LRRFIP2: variants seen among roughly 807,000 people sequenced by gnomAD.
LRRFIP2 encodes the protein leucine-rich repeat flightless-interacting protein 2.
In LRRFIP2, 109 loss-of-function variants were observed where a neutral mutation model predicts 125.9. The ratio of observed to expected loss-of-function variants is 0.87; its 90% CI spans 0.74 to 1.01. The LOEUF is 1.01. Among genes scored for constraint, LRRFIP2 ranks in the 50% least tolerant of loss-of-function variants. LRRFIP2 has a pLI of 0.00. For missense variants in LRRFIP2, 850 were observed against 862.3 expected (o/e 0.99, Z 0.18); for synonymous variants, 291 against 293.1 (o/e 0.99, Z 0.07).
chr3:37,109,801 C>T, intron 9 of LRRFIP2, 98 bp from the exon 10 acceptor site: 5 of 995,368 alleles, frequency 5.0e-6, no homozygotes, highest in South Asian at 1.5e-5. Flanking sequence ...TGATTTTATA[C>T]TCCATAATTC....
At chr3:37,166,386 GCA>G (rs1304064013) in intron 1 of LRRFIP2, among the ~76,000 whole-genome samples, 1 of 151,638 alleles carries the variant, frequency 6.6e-6, no homozygotes, top group Non-Finnish European at 1.5e-5. Context: ...GTACATCAAA[GCA>G]CACTATCAAA....
intron 21 of LRRFIP2, among the ~76,000 whole-genome samples, chr3:37,069,758 C>T (rs1377625405): frequency 1.3e-5 from 2 of 152,140 alleles, no homozygotes; most frequent in African/African-American, 2.4e-5. Flanking sequence ...AAAGAGTCAA[C>T]TCGTGATTCA....
intron 2 of LRRFIP2, among the ~76,000 whole-genome samples, chr3:37,148,198 A>T (rs935221422): frequency 6.6e-6 from 1 of 152,236 alleles, no homozygotes; most frequent in African/African-American, 2.4e-5. Flanking sequence ...TATAACAAGT[A>T]CATGGAACTC....
At chr3:37,105,144 A>T (rs905081634) in intron 14 of LRRFIP2, among the ~76,000 whole-genome samples, 17 of 152,242 alleles carry the variant, frequency 1.1e-4, no homozygotes, top group Admixed American at 1.1e-3. Flanking sequence ...TGCTGAAGAA[A>T]TTTGTCTTTG....
At chr3:37,097,478 AT>A (rs1465975542) in intron 15 of LRRFIP2, among the ~76,000 whole-genome samples, 2 of 152,154 alleles carry the variant, frequency 1.3e-5, no homozygotes, top group African/African-American at 4.8e-5. Flanking sequence ...TGTAAGCTCT[AT>A]ATCAGTATGT....
intron 14 of LRRFIP2, among the ~76,000 whole-genome samples, chr3:37,105,170 A>G (rs987059350): frequency 4.6e-5 from 7 of 152,224 alleles, no homozygotes; most frequent in Non-Finnish European, 2.9e-5. Flanking sequence ...CTGCACACAC[A>G]TGTATGTGCA....
intron 2 of LRRFIP2, among the ~76,000 whole-genome samples, chr3:37,133,969 T>A (rs1343505957): frequency 1.3e-5 from 2 of 151,884 alleles, no homozygotes; most frequent in Admixed American, 1.3e-4. Flanking sequence ...TTCAGAAAAA[T>A]TCAGGAGTTC....
intron 6 of LRRFIP2, among the ~76,000 whole-genome samples, chr3:37,119,981 GA>G (rs1446999910): frequency 6.7e-6 from 1 of 150,306 alleles, no homozygotes; most frequent in African/African-American, 2.4e-5. Context: ...TATTTAAAGA[GA>G]AAAAAACAAA....
chr3:37,059,060 C>G (rs1293272342), intron 24 of LRRFIP2, 150 bp from the exon 25 acceptor site: 46 of 900,604 alleles, frequency 5.1e-5, no homozygotes, highest in Non-Finnish European at 7.3e-5. Context: ...TAATAGGAGA[C>G]ACACATCGTC....
chr3:37,056,332 G>A (rs1304000019), intron 25 of LRRFIP2, among the ~76,000 whole-genome samples: 1 of 152,130 alleles, frequency 6.6e-6, no homozygotes, highest in African/African-American at 2.4e-5. Flanking sequence ...AATAAGATTT[G>A]CAAAAGATAA....
intron 1 of LRRFIP2, among the ~76,000 whole-genome samples, chr3:37,173,570 T>C (rs2096615387): frequency 6.6e-6 from 1 of 152,228 alleles, no homozygotes; most frequent in Non-Finnish European, 1.5e-5. Context: ...AGAAAGCAAC[T>C]ACCTAAAAGG....
chr3:37,096,145 A>G (rs1262120761), intron 16 of LRRFIP2, among the ~76,000 whole-genome samples: 4 of 152,250 alleles, frequency 2.6e-5, no homozygotes, highest in Non-Finnish European at 5.9e-5. Context: ...TGGGTATAGC[A>G]TAAAATTAAT....
chr3:37,138,463 G>C (rs749941420), intron 2 of LRRFIP2, among the ~76,000 whole-genome samples: 1 of 152,154 alleles, frequency 6.6e-6, no homozygotes, highest in Admixed American at 6.6e-5. Flanking sequence ...TCTGAGAGGA[G>C]GAAAAGGGTA....
chr3:37,077,518 T>C (rs925724674), intron 19 of LRRFIP2, among the ~76,000 whole-genome samples: 1 of 152,170 alleles, frequency 6.6e-6, no homozygotes, highest in Non-Finnish European at 1.5e-5. Context: ...TCTTTTTAGA[T>C]TAAAAATGGC....
At chr3:37,113,484 TAG>T (rs1361644627) in intron 7 of LRRFIP2, among the ~76,000 whole-genome samples, 2 of 152,060 alleles carry the variant, frequency 1.3e-5, no homozygotes, top group African/African-American at 2.4e-5. Flanking sequence ...GGGGAACAGG[TAG>T]AGACAATGTC....
At chr3:37,119,831 T>C (rs531219459) in intron 6 of LRRFIP2, among the ~76,000 whole-genome samples, 8 of 151,988 alleles carry the variant, frequency 5.3e-5, no homozygotes, top group Admixed American at 5.2e-4. Context: ...GGCTAATTTT[T>C]GTATTTTTAG....
intron 15 of LRRFIP2, among the ~76,000 whole-genome samples, chr3:37,097,272 C>T (rs2093770120): frequency 6.6e-6 from 1 of 151,492 alleles, no homozygotes; most frequent in Non-Finnish European, 1.5e-5. Context: ...ACCCTGACCA[C>T]CAGTCTCTAA....
intron 2 of LRRFIP2, among the ~76,000 whole-genome samples, chr3:37,140,091 G>A (rs576450751): frequency 6.6e-6 from 1 of 152,182 alleles, no homozygotes; most frequent in African/African-American, 2.4e-5. Flanking sequence ...TCCAATACTA[G>A]TGTCTCCTGG....
In LRRFIP2 at chr3:37,152,122, T is replaced by C. The variant is rs1326105562; in HGVS notation, c.-55-3084A>G. ...AATGTGATATATATACACCATGTAA[T>C]ACTACTCAGCCATAAAAATGAATGA... On this transcript the variant is annotated intron_variant, in intron 1 of 27. Coordinates refer to ENST00000336686, the MANE Select transcript of LRRFIP2 (RefSeq NM_006309.4). Among the ~76,000 whole-genome samples, 8 of 152,198 alleles carry C rather than the reference T, an allele frequency of 5.3e-5. No individual in the cohort carries two copies. The East Asian group carries it at 1.5e-3, about 29-fold the overall frequency.
Sources: gnomAD v4.1 joint callset for allele counts (sites outside exome capture counted in the v4.1 genomes callset) on GRCh38, gnomAD v4.1.1 for gene constraint, MANE v1.5 for transcripts, NCBI Gene and HGNC (gene_info 2026-07-23, HGNC 2026-07-21) for gene names.